Variants in CPQ observed in about 807,000 individuals in gnomAD.
CPQ encodes the protein carboxypeptidase Q, also known as Ser-Met dipeptidase.
Under a neutral mutation model 45.7 loss-of-function variants are expected in CPQ, and 37 were observed. The ratio of observed to expected loss-of-function variants is 0.81; its 90% CI spans 0.62 to 1.07. The LOEUF (loss-of-function observed/expected upper bound fraction) is 1.07. Among genes scored for constraint, CPQ ranks in the 50% least tolerant of loss-of-function variants. The pLI is 0.00. For missense variants in CPQ, 537 were observed against 572.9 expected, an observed-to-expected ratio of 0.94 and a Z score of 0.64; for synonymous variants, 186 against 205.8, an observed-to-expected ratio of 0.90 and a Z score of 0.82.
At chr8:96,871,678 C>A (rs1259395013) in intron 3 of CPQ, among the ~76,000 whole-genome samples, 1 of 151,568 alleles carries the variant, frequency 6.6e-6, no homozygotes, top group Non-Finnish European at 1.5e-5. Context: ...AATATGAACT[C>A]AGTTTACATC....
chr8:97,033,940 G>T (rs1809952691), intron 6 of CPQ, among the ~76,000 whole-genome samples: 3 of 152,036 alleles, frequency 2.0e-5, no homozygotes, highest in Non-Finnish European at 4.4e-5. Flanking sequence ...ATTTTAAATT[G>T]TGGGTAAAAT....
At chr8:96,837,582 T>C (rs1411272691) in intron 3 of CPQ, among the ~76,000 whole-genome samples, 1 of 152,144 alleles carries the variant, frequency 6.6e-6, no homozygotes, top group Non-Finnish European at 1.5e-5. Context: ...CTGTTTGACC[T>C]GTGTATCCTC....
intron 2 of CPQ, among the ~76,000 whole-genome samples, chr8:96,822,749 A>G (rs1352139070): frequency 6.6e-6 from 1 of 151,954 alleles, no homozygotes; most frequent in Non-Finnish European, 1.5e-5. Context: ...AGGCTTTTGT[A>G]GGTACAGTGA....
chr8:96,659,740 T>C (rs935372976), intron 1 of CPQ, among the ~76,000 whole-genome samples: 4 of 152,208 alleles, frequency 2.6e-5, no homozygotes, highest in African/African-American at 9.6e-5. Flanking sequence ...CAAAACAGGC[T>C]CATAGTCGGG....
At chr8:96,955,466 T>C in intron 4 of CPQ, among the ~76,000 whole-genome samples, 1 of 152,172 alleles carries the variant, frequency 6.6e-6, no homozygotes, top group Admixed American at 6.5e-5. Flanking sequence ...ATTTACAGAT[T>C]CAATGCCATC....
chr8:96,672,701 T>C (rs1224075559), intron 1 of CPQ, among the ~76,000 whole-genome samples: 2 of 151,770 alleles, frequency 1.3e-5, no homozygotes, highest in Non-Finnish European at 2.9e-5. Context: ...TTCCTTTAAC[T>C]TGGGAGGCAG....
chr8:97,081,345 G>C (rs1366406266), intron 7 of CPQ, among the ~76,000 whole-genome samples: 1 of 151,930 alleles, frequency 6.6e-6, no homozygotes, highest in Non-Finnish European at 1.5e-5. Flanking sequence ...AGCTTCAGTT[G>C]CCCCCCCATA....
chr8:97,124,204 C>T (rs372896534), intron 7 of CPQ, among the ~76,000 whole-genome samples: 12 of 111,770 alleles, frequency 1.1e-4, no homozygotes, highest in East Asian at 5.9e-4. Flanking sequence ...CCAGCCTGGG[C>T]GACAGAGCAA....
intron 1 of CPQ, among the ~76,000 whole-genome samples, chr8:96,735,135 A>G (rs1160186956): frequency 1.3e-5 from 2 of 152,168 alleles, no homozygotes; most frequent in East Asian, 1.9e-4. Flanking sequence ...CAGGACACTT[A>G]TCACAATTTT....
chr8:96,876,652 G>C (rs746514964), intron 3 of CPQ, among the ~76,000 whole-genome samples: 3 of 152,226 alleles, frequency 2.0e-5, no homozygotes, highest in Non-Finnish European at 4.4e-5. Context: ...GCTAGATTTT[G>C]TGAAATACTT....
intron 5 of CPQ, among the ~76,000 whole-genome samples, chr8:96,989,414 AGG>A: frequency 9.6e-6 from 1 of 103,944 alleles, no homozygotes; most frequent in Non-Finnish European, 1.9e-5. Context: ...AGGGGAGGGG[AGG>A]GGACAGGAGC....
intron 5 of CPQ, among the ~76,000 whole-genome samples, chr8:96,989,102 G>A (rs973335085): frequency 6.6e-6 from 1 of 152,188 alleles, no homozygotes; most frequent in Non-Finnish European, 1.5e-5. Flanking sequence ...TCTGCCAGGA[G>A]GCAGAGGTGA....
intron 1 of CPQ, among the ~76,000 whole-genome samples, chr8:96,686,942 C>G (rs1363067876): frequency 6.6e-6 from 1 of 152,100 alleles, no homozygotes; most frequent in East Asian, 1.9e-4. Context: ...CAAATTTACT[C>G]ACACTGAATT....
intron 1 of CPQ, among the ~76,000 whole-genome samples, chr8:96,778,765 T>G (rs1810648083): frequency 6.6e-6 from 1 of 152,026 alleles, no homozygotes; most frequent in African/African-American, 2.4e-5. Context: ...TTAAGTATTA[T>G]TATAAAAATG....
intron 2 of CPQ, among the ~76,000 whole-genome samples, chr8:96,806,738 C>A (rs1220817274): frequency 6.6e-6 from 1 of 152,090 alleles, no homozygotes; most frequent in Non-Finnish European, 1.5e-5. Context: ...TGCATTCATT[C>A]ACATGTTGAA....
At chr8:97,088,018 C>T (rs1429987026) in intron 7 of CPQ, among the ~76,000 whole-genome samples, 1 of 151,754 alleles carries the variant, frequency 6.6e-6, no homozygotes, top group Non-Finnish European at 1.5e-5. Flanking sequence ...TTATTATATC[C>T]AAAGAGAGGT....
chr8:96,779,594 C>G (rs1810661525), intron 1 of CPQ, among the ~76,000 whole-genome samples: 1 of 152,146 alleles, frequency 6.6e-6, no homozygotes, highest in Non-Finnish European at 1.5e-5. Context: ...GATCACTAAG[C>G]TCTCTTTTAT....
At chr8:96,799,458 T>A (rs969222790) in intron 2 of CPQ, among the ~76,000 whole-genome samples, 2 of 148,636 alleles carry the variant, frequency 1.3e-5, no homozygotes, top group African/African-American at 2.5e-5. Context: ...ATTTTCAGTA[T>A]TTTTTTTTTA....
Position 96,773,648 on chromosome 8 carries a change from A to G in CPQ, c.-34-11216A>G, listed in dbSNP as rs1179460051. Among the ~76,000 whole-genome samples, 3 of 152,238 alleles carry G rather than the reference A, an allele frequency of 2.0e-5. No individual in the cohort carries two copies. In the East Asian group the frequency reaches 5.8e-4, roughly 29 times the overall value. On this transcript the variant is annotated intron_variant, in intron 1 of 7. Coordinates refer to ENST00000220763, the MANE Select transcript of CPQ (RefSeq NM_016134.4). ...AAAGTATTAGTTTGTTTGTGCTGCT[A>G]TAACAAAATACCTGAGACTGAGTAA...
Sources: allele counts gnomAD v4.1 joint callset (sites outside exome capture counted in the v4.1 genomes callset), GRCh38; gene constraint gnomAD v4.1.1; transcripts MANE v1.5; gene names NCBI Gene and HGNC (gene_info 2026-07-23, HGNC 2026-07-21).